FAXC: variants seen among roughly 807,000 people sequenced by gnomAD.
FAXC encodes the protein failed axon connections homolog.
In FAXC, 10 loss-of-function variants were observed where a neutral mutation model predicts 41.9. The ratio of observed to expected loss-of-function variants is 0.24; its 90% CI spans 0.15 to 0.41. The LOEUF is 0.41. Among genes scored for constraint, FAXC ranks in the 10% least tolerant of loss-of-function variants. The pLI is 1.00. For synonymous variants in FAXC, 183 were observed against 183.8 expected, an observed-to-expected ratio of 1.00 and a Z score of 0.03; for missense variants, 399 against 510.9, an observed-to-expected ratio of 0.78 and a Z score of 2.11.
At chr6:99,325,591 T>G (rs1290722561) in intron 3 of FAXC, among the ~76,000 whole-genome samples, 1 of 152,246 alleles carries the variant, frequency 6.6e-6, no homozygotes, top group Non-Finnish European at 1.5e-5. Context: ...TTTTTTCTAG[T>G]AAATTCTATA....
At chr6:99,322,273 C>G (rs1772623076) in intron 4 of FAXC, among the ~76,000 whole-genome samples, 1 of 152,158 alleles carries the variant, frequency 6.6e-6, no homozygotes, top group Non-Finnish European at 1.5e-5. Context: ...GATCTGCCCT[C>G]TGCAAGCTGG....
intron 2 of FAXC, chr6:99,334,593 T>G (rs1220094871): frequency 1.0e-6 from 1 of 980,118 alleles, no homozygotes; most frequent in Non-Finnish European, 1.2e-6. Flanking sequence ...ATACTAAAGA[T>G]GTAAACTTAC....
At position 99,271,684 on chromosome 6, in the gene FAXC, A is replaced by C. The variant is rs767331124; in HGVS notation, c.*9480T>G. The C allele has an allele frequency of 2.0e-5, 3 of 152,232 alleles. No homozygotes were observed. The highest frequency in any genetic ancestry group is 4.4e-5 in the Non-Finnish European group (3 of 68,048). 9.4% of individuals were successfully genotyped at this position (152,232 alleles called of 1,614,324 possible). On this transcript the variant is annotated 3_prime_UTR_variant, in exon 6 of 6. Coordinates refer to ENST00000389677, the MANE Select transcript of FAXC (RefSeq NM_032511.4). ...CAAGCACTTCAGATAAGAGATACTC[A>C]ATCAGTATTATCACTGAAATGGGAA...
intron 4 of FAXC, among the ~76,000 whole-genome samples, chr6:99,305,524 A>G (rs1052025515): frequency 6.6e-5 from 10 of 152,134 alleles, no homozygotes; most frequent in Non-Finnish European, 1.2e-4. Context: ...AACCAGGCAT[A>G]ATAATACTAA....
chr6:99,314,548 T>C (rs931473193), intron 4 of FAXC, among the ~76,000 whole-genome samples: 10 of 152,196 alleles, frequency 6.6e-5, no homozygotes, highest in Non-Finnish European at 1.2e-4. Flanking sequence ...CACTACAGCC[T>C]GGGCAACAGC....
chr6:99,346,643 G>A (rs899476985), intron 1 of FAXC, among the ~76,000 whole-genome samples: 1 of 151,642 alleles, frequency 6.6e-6, no homozygotes, highest in East Asian at 1.9e-4. Flanking sequence ...CTCGTGATCC[G>A]CCCGCGTCAG....
intron 4 of FAXC, among the ~76,000 whole-genome samples, chr6:99,320,159 C>T (rs913449615): frequency 2.6e-5 from 4 of 152,132 alleles, no homozygotes; most frequent in African/African-American, 7.2e-5. Flanking sequence ...AATACCCTTC[C>T]ATCGGGTTCA....
chr6:99,280,962 T>C lies in FAXC; in HGVS notation c.*202A>G. 1.9e-6 allele frequency: 1 copy of C among 529,528 alleles called. No homozygotes were observed. Among genetic ancestry groups the C allele is most frequent in the South Asian group, 2.7e-5 (1 of 37,196 alleles). The allele number at this position is 529,528 out of a possible 1,614,324, so 32.8% of individuals were successfully genotyped here. ...AACCATGCTGACATTATTTTTTGCC[T>C]GTTTGTTTTCAATGGAGTCATCTGA... On this transcript the variant is annotated 3_prime_UTR_variant, in exon 6 of 6. Coordinates refer to ENST00000389677, the MANE Select transcript of FAXC (RefSeq NM_032511.4).
At chr6:99,319,475 T>C (rs1487788923) in intron 4 of FAXC, among the ~76,000 whole-genome samples, 1 of 151,234 alleles carries the variant, frequency 6.6e-6, no homozygotes, top group Non-Finnish European at 1.5e-5. Flanking sequence ...TCCTTCCAGA[T>C]GCTGGTCACG....
chr6:99,325,542 G>A (rs1360538618), intron 3 of FAXC, among the ~76,000 whole-genome samples: 8 of 152,148 alleles, frequency 5.3e-5, no homozygotes, highest in Non-Finnish European at 1.0e-4. Flanking sequence ...GTGTATAGTC[G>A]GAGCATTCCA....
intron 1 of FAXC, among the ~76,000 whole-genome samples, chr6:99,343,257 T>C (rs1439790360): frequency 1.4e-5 from 2 of 142,780 alleles, no homozygotes; most frequent in African/African-American, 5.4e-5. Flanking sequence ...CAAACTCCCA[T>C]GATATTACCA....
chr6:99,311,468 G>A (rs11963508), intron 4 of FAXC, among the ~76,000 whole-genome samples: 2,423 of 152,224 alleles, frequency 0.016, 67 homozygotes, highest in African/African-American at 0.055. Flanking sequence ...CCAGCTACTC[G>A]GGAGGCTGAG....
At chr6:99,317,185 T>A (rs1772391981) in intron 4 of FAXC, among the ~76,000 whole-genome samples, 1 of 152,200 alleles carries the variant, frequency 6.6e-6, no homozygotes, top group Admixed American at 6.5e-5. Flanking sequence ...AGATTTTTTT[T>A]TTCACTTCCA....
chr6:99,290,134 C>CACACACACAT, intron 5 of FAXC, among the ~76,000 whole-genome samples: 1 of 151,036 alleles, frequency 6.6e-6, no homozygotes, highest in Non-Finnish European at 1.5e-5. Context: ...CACACACACA[C>CACACACACAT]ACATACACAC....
chr6:99,309,829 G>A (rs1772089323), intron 4 of FAXC: 2 of 738,964 alleles, frequency 2.7e-6, no homozygotes, highest in Admixed American at 6.3e-5. Context: ...AGAGGGTGAG[G>A]TACTCACCAG....
intron 2 of FAXC, among the ~76,000 whole-genome samples, chr6:99,334,306 T>C (rs1002273020): frequency 1.3e-5 from 2 of 152,200 alleles, no homozygotes; most frequent in African/African-American, 4.8e-5. Context: ...GTAATAACTA[T>C]TGGGGATGTT....
intron 3 of FAXC, among the ~76,000 whole-genome samples, chr6:99,326,816 C>G (rs1772823680): frequency 6.6e-6 from 1 of 152,158 alleles, no homozygotes; most frequent in Non-Finnish European, 1.5e-5. Flanking sequence ...ATTTAGAGTT[C>G]CTGCCTGATG....
chr6:99,346,242 C>G (rs1487479293), intron 1 of FAXC, among the ~76,000 whole-genome samples: 1 of 152,146 alleles, frequency 6.6e-6, no homozygotes, highest in Non-Finnish European at 1.5e-5. Context: ...TTTGACCTTC[C>G]TGCCTGGTTT....
At chr6:99,281,494 C>T in intron 5 of FAXC, 41 bp from the exon 6 acceptor site, 4 of 1,468,656 alleles carry the variant, frequency 2.7e-6, no homozygotes, top group Non-Finnish European at 3.8e-6. Context: ...TTCTCAAAGG[C>T]AGCAGTCTAC....
Sources: allele counts gnomAD v4.1 joint callset (sites outside exome capture counted in the v4.1 genomes callset), GRCh38; gene constraint gnomAD v4.1.1; transcripts MANE v1.5; gene names NCBI Gene and HGNC (gene_info 2026-07-23, HGNC 2026-07-21).